TEAD1: variants seen among roughly 807,000 people sequenced by gnomAD.
The protein encoded by TEAD1 is TEA domain transcription factor 1, also known as transcriptional enhancer factor TEF-1.
TEAD1 carries 9 observed loss-of-function variants against 54.9 expected under a neutral mutation model. The observed-to-expected ratio is 0.16, with a 90% CI of 0.10 to 0.29. The LOEUF (loss-of-function observed/expected upper bound fraction) is 0.29. Ranked by LOEUF, TEAD1 falls within the 10% of genes least tolerant of loss-of-function variation. TEAD1 has a pLI of 1.00. For synonymous variants in TEAD1, 200 were observed against 187.8 expected (o/e 1.07, Z -0.53); for missense variants, 387 against 535.9 (o/e 0.72, Z 2.74).
intron 3 of TEAD1, among the ~76,000 whole-genome samples, 194 bp downstream of exon 3, chr11:12,764,628 A>G (rs1168482683): frequency 6.6e-6 from 1 of 151,960 alleles, no homozygotes; most frequent in Non-Finnish European, 1.5e-5. Context: ...GGAAAAAGAA[A>G]AGGACCCCTG....
chr11:12,767,897 T>G (rs1945238826), intron 3 of TEAD1, among the ~76,000 whole-genome samples: 1 of 152,176 alleles, frequency 6.6e-6, no homozygotes, highest in South Asian at 2.1e-4. Flanking sequence ...TCCTGGTAGA[T>G]CATGGGAGAG....
intron 10 of TEAD1, among the ~76,000 whole-genome samples, chr11:12,916,602 C>T (rs1055734153): frequency 6.6e-6 from 1 of 152,194 alleles, no homozygotes; most frequent in African/African-American, 2.4e-5. Context: ...CCTTTGGAAA[C>T]ACATCATCTT....
intron 2 of TEAD1, among the ~76,000 whole-genome samples, chr11:12,688,485 T>C (rs1943381736): frequency 6.6e-6 from 1 of 152,216 alleles, no homozygotes; most frequent in Admixed American, 6.5e-5. Flanking sequence ...TTTCCCCGCT[T>C]CCCAACTTGC....
At chr11:12,861,776 C>T (rs760814623) in intron 3 of TEAD1, among the ~76,000 whole-genome samples, 8 of 152,140 alleles carry the variant, frequency 5.3e-5, no homozygotes, top group Non-Finnish European at 1.2e-4. Context: ...CACCTGAGGT[C>T]GGGGGTTCGA....
chr11:12,821,128 T>C (rs1045617546), intron 3 of TEAD1, among the ~76,000 whole-genome samples: 2 of 152,214 alleles, frequency 1.3e-5, no homozygotes, highest in African/African-American at 4.8e-5. Context: ...TGTCCACTTC[T>C]CTGTTGCTGC....
intron 2 of TEAD1, among the ~76,000 whole-genome samples, chr11:12,700,569 C>T (rs1016627769): frequency 3.9e-5 from 6 of 152,150 alleles, no homozygotes; most frequent in Admixed American, 3.9e-4. Flanking sequence ...GTTTCTGCTA[C>T]CCTTTTAAAA....
At chr11:12,894,720 T>C (rs1192785773) in intron 9 of TEAD1, among the ~76,000 whole-genome samples, 1 of 152,198 alleles carries the variant, frequency 6.6e-6, no homozygotes, top group Non-Finnish European at 1.5e-5. Flanking sequence ...CCTGTCTTCA[T>C]TTATGCTTTA....
intron 5 of TEAD1, among the ~76,000 whole-genome samples, chr11:12,874,746 A>G (rs1391872336): frequency 1.3e-5 from 2 of 152,146 alleles, no homozygotes; most frequent in African/African-American, 4.8e-5. Context: ...CTTTCCCATC[A>G]AAAGTCCATA....
intron 2 of TEAD1, among the ~76,000 whole-genome samples, chr11:12,728,897 C>T (rs1226043302): frequency 6.6e-6 from 1 of 152,114 alleles, no homozygotes; most frequent in Non-Finnish European, 1.5e-5. Flanking sequence ...GGGGTTGTGC[C>T]CAAACCATTG....
intron 3 of TEAD1, chr11:12,828,190 G>A (rs1195719777): frequency 1.3e-5 from 2 of 152,198 alleles, no homozygotes; most frequent in Non-Finnish European, 2.9e-5. Flanking sequence ...CTGCAGGATG[G>A]AGCTCTCTTC....
At chr11:12,819,313 A>G (rs1220458998) in intron 3 of TEAD1, among the ~76,000 whole-genome samples, 2 of 151,264 alleles carry the variant, frequency 1.3e-5, no homozygotes, top group African/African-American at 4.9e-5. Context: ...GCTGTCTGAA[A>G]TGCTTTAAAT....
At chr11:12,864,799 G>A in intron 4 of TEAD1, 39 bp from the exon 5 acceptor site, 1 of 1,613,812 alleles carries the variant, frequency 6.2e-7, no homozygotes. Context: ...CATGGTTACA[G>A]GCTTTTCCTT....
chr11:12,802,620 G>T (rs117828468), intron 3 of TEAD1, among the ~76,000 whole-genome samples: 1 of 152,150 alleles, frequency 6.6e-6, no homozygotes, highest in Non-Finnish European at 1.5e-5. Flanking sequence ...TTCCTTCCCT[G>T]AGAGGTTCTG....
chr11:12,900,473 C>G (rs779325091), intron 9 of TEAD1, among the ~76,000 whole-genome samples: 1 of 152,096 alleles, frequency 6.6e-6, no homozygotes, highest in Non-Finnish European at 1.5e-5. Flanking sequence ...ATCTAGGATC[C>G]CTGATGAAGT....
rs181716996 is a variant in TEAD1 at position 12,939,980 on chromosome 11, C to T, written c.*2758C>T. 2.6e-5 allele frequency: 4 copies of T among 152,332 alleles called. No individual in the cohort carries two copies. Among genetic ancestry groups the T allele is most frequent in the East Asian group, 1.9e-4 (1 of 5,186 alleles). The allele number at this position is 152,332 out of a possible 1,614,324, so 9.4% of individuals were successfully genotyped here. A position where few individuals can be genotyped will look rare whatever the true frequency, so the allele number is the denominator to read the frequency against. ...TACTAAAGAAGCCTTCCCAGAGCCC[C>T]GTCTTGCTTCTCTTCCAGGTGCTCT... On this transcript the variant is annotated 3_prime_UTR_variant, in exon 13 of 13. Coordinates refer to ENST00000527636, the MANE Select transcript of TEAD1 (RefSeq NM_021961.6).
intron 5 of TEAD1, among the ~76,000 whole-genome samples, chr11:12,866,621 T>G (rs1041370897): frequency 2.0e-5 from 3 of 152,230 alleles, no homozygotes; most frequent in African/African-American, 7.2e-5. Context: ...CTTTCAGCCC[T>G]GGGCCACTCT....
At chr11:12,747,400 A>G (rs1030641571) in intron 2 of TEAD1, among the ~76,000 whole-genome samples, 2 of 152,166 alleles carry the variant, frequency 1.3e-5, no homozygotes, top group African/African-American at 2.4e-5. Context: ...CAGTGGCACA[A>G]TCTTGGCTCA....
Position 12,937,139 on chromosome 11 carries a change from C to G in TEAD1, c.1198C>G (p.Leu400Val), listed in dbSNP as rs779254169. The change falls in exon 13 of 13, where the codon CTA becomes GTA. Residue 400 changes from leucine to valine, a missense_variant. Physicochemically the swap from Leu to Val is conservative, Grantham distance 32. Transcript: ENST00000527636. ...AACAAACAGGGATACACAAGAAACT[C>G]TACTCTGCATGGCCTGTGTGTTTGA... is the stretch of plus-strand genomic sequence containing the variant. 1 of 1,613,950 alleles carries G rather than the reference C, an allele frequency of 6.2e-7. No individual in the cohort carries two copies. The highest frequency in any genetic ancestry group is 8.5e-7 in the Non-Finnish European group (1 of 1,179,956).
At chr11:12,860,555 T>C (rs1947479309) in intron 3 of TEAD1, among the ~76,000 whole-genome samples, 1 of 152,240 alleles carries the variant, frequency 6.6e-6, no homozygotes, top group Non-Finnish European at 1.5e-5. Flanking sequence ...TCTTCATCAG[T>C]GTTTCCAGTT....
Sources: gnomAD v4.1 joint callset for allele counts (sites outside exome capture counted in the v4.1 genomes callset) on GRCh38, gnomAD v4.1.1 for gene constraint, MANE v1.5 for transcripts, NCBI Gene and HGNC (gene_info 2026-07-23, HGNC 2026-07-21) for gene names.